The following SLC39A11 variants were observed in gnomAD, a reference collection of about 807,000 sequenced individuals.
The protein encoded by SLC39A11 is solute carrier family 39 member 11, also known as zinc transporter ZIP11.
A neutral mutation model predicts 36.1 loss-of-function variants in SLC39A11; 33 were observed. The observed-to-expected ratio is 0.91, with a 90% confidence interval of 0.69 to 1.22. The LOEUF is 1.22. Among genes scored for constraint, SLC39A11 ranks in the 50% most tolerant of loss-of-function variants. The pLI is 0.00. For synonymous variants in SLC39A11, 166 were observed against 170.3 expected, an observed-to-expected ratio of 0.97 and a Z score of 0.20; for missense variants, 432 against 430.3, an observed-to-expected ratio of 1.00 and a Z score of -0.03.
chr17:72,791,004 T>C (rs1240425548), intron 6 of SLC39A11, among the ~76,000 whole-genome samples: 2 of 152,162 alleles, frequency 1.3e-5, no homozygotes, highest in Non-Finnish European at 2.9e-5. Flanking sequence ...TTTACACGAA[T>C]CCAGTGGTTC....
chr17:72,974,927 C>G (rs1273704542), intron 4 of SLC39A11, among the ~76,000 whole-genome samples: 3 of 152,228 alleles, frequency 2.0e-5, no homozygotes, highest in Admixed American at 6.5e-5. Flanking sequence ...GCATTCAACA[C>G]AGTAACATAC....
At chr17:72,908,422 T>C (rs553596698) in intron 5 of SLC39A11, among the ~76,000 whole-genome samples, 204 of 152,348 alleles carry the variant, frequency 1.3e-3, no homozygotes, top group African/African-American at 4.8e-3. Flanking sequence ...AGGGCCAGGC[T>C]GGCCACTTCG....
intron 5 of SLC39A11, among the ~76,000 whole-genome samples, chr17:72,860,064 AAG>A (rs1010234002): frequency 2.7e-5 from 4 of 150,000 alleles, no homozygotes; most frequent in Admixed American, 2.0e-4. Context: ...AAAGAAAAGA[AAG>A]AGAACACAAA....
rs564826839 is a variant in SLC39A11, at chr17:73,063,180, G to A, written c.147+21628C>T. The stretch of plus-strand genomic sequence containing the variant: ...TGTCTCTATCACCCTCAGTCTTTTG[G>A]AAAGATAAAAATGACAAAAGGCATT... On this transcript the variant is annotated intron_variant, in intron 3 of 9. Coordinates refer to ENST00000255559, the MANE Select transcript of SLC39A11 (RefSeq NM_139177.4). Among the ~76,000 whole-genome samples, 260 of 152,258 alleles carry A rather than the reference G, an allele frequency of 1.7e-3. 9 individuals carry two copies. In the South Asian group the frequency reaches 0.052, roughly 30 times the overall value.
Position 72,737,844 on chromosome 17 carries a change from T to C in SLC39A11, c.602-1125A>G, listed in dbSNP as rs771643149. ...CCAAATACTGAGACTCCAGGACCAA[T>C]TGAGGCCAGTCTCAATCCCTCTCTG... is the stretch of plus-strand genomic sequence containing the variant. On this transcript the variant is annotated intron_variant, in intron 6 of 9. Transcript: ENST00000255559. 3.3e-5 allele frequency among the ~76,000 whole-genome samples: 5 copies of C among 152,042 alleles called. No homozygotes were observed. The East Asian group carries it at 5.8e-4, about 18-fold the overall frequency.
chr17:73,004,153 A>G (rs1359838051), intron 4 of SLC39A11, among the ~76,000 whole-genome samples: 2 of 144,346 alleles, frequency 1.4e-5, no homozygotes, highest in African/African-American at 5.2e-5. Context: ...GAAAGAAAGA[A>G]AGAAGGAAAA....
intron 5 of SLC39A11, among the ~76,000 whole-genome samples, chr17:72,937,355 T>C (rs1436757530): frequency 6.6e-6 from 1 of 152,092 alleles, no homozygotes; most frequent in African/African-American, 2.4e-5. Context: ...CTCCGGAGAC[T>C]GAGGCAGGAG....
At chr17:72,670,603 G>A (rs1280911059) in intron 7 of SLC39A11, among the ~76,000 whole-genome samples, 1 of 152,116 alleles carries the variant, frequency 6.6e-6, no homozygotes, top group Non-Finnish European at 1.5e-5. Flanking sequence ...CAATATGACT[G>A]TACAGAGTCT....
At chr17:72,854,343 A>C (rs1268604895) in intron 5 of SLC39A11, among the ~76,000 whole-genome samples, 1 of 151,936 alleles carries the variant, frequency 6.6e-6, no homozygotes, top group East Asian at 1.9e-4. Context: ...GAAAAGGCTG[A>C]ACTGCTCATT....
At chr17:72,651,830 A>T (rs1280491382) in intron 7 of SLC39A11, among the ~76,000 whole-genome samples, 1 of 152,220 alleles carries the variant, frequency 6.6e-6, no homozygotes, top group Non-Finnish European at 1.5e-5. Context: ...TGGAGTGGAC[A>T]GACAAGAAGA....
At chr17:72,967,854 T>C (rs1358136603) in intron 4 of SLC39A11, among the ~76,000 whole-genome samples, 1 of 152,184 alleles carries the variant, frequency 6.6e-6, no homozygotes, top group African/African-American at 2.4e-5. Context: ...GGTTAATAAC[T>C]GTGCCCAGCC....
At chr17:73,041,199 TC>T (rs2059104097) in intron 3 of SLC39A11, among the ~76,000 whole-genome samples, 1 of 152,162 alleles carries the variant, frequency 6.6e-6, no homozygotes, top group Non-Finnish European at 1.5e-5. Context: ...GCTTCCAAAT[TC>T]TCACTGGAGT....
At chr17:72,715,327 C>G (rs1434818085) in intron 7 of SLC39A11, among the ~76,000 whole-genome samples, 1 of 152,222 alleles carries the variant, frequency 6.6e-6, no homozygotes, top group Non-Finnish European at 1.5e-5. Flanking sequence ...CAAGTGGGGT[C>G]TTGAAGAGAT....
chr17:72,853,072 T>C (rs2079446078), intron 5 of SLC39A11, among the ~76,000 whole-genome samples: 1 of 152,174 alleles, frequency 6.6e-6, no homozygotes, highest in Admixed American at 6.5e-5. Flanking sequence ...TAGAGTGCAG[T>C]GGCACAATCT....
intron 9 of SLC39A11, 103 bp downstream of exon 9, chr17:72,648,700 G>A (rs963247609): frequency 7.3e-7 from 1 of 1,378,478 alleles, no homozygotes; most frequent in Middle Eastern, 1.8e-4. Context: ...GAGAGGGGGA[G>A]GGAATAAGGA....
At chr17:73,068,560 C>T (rs188163577) in intron 3 of SLC39A11, among the ~76,000 whole-genome samples, 3 of 152,214 alleles carry the variant, frequency 2.0e-5, no homozygotes, top group East Asian at 1.9e-4. Flanking sequence ...CCGGTAGAGT[C>T]CCCCTCAGTC....
chr17:72,654,710 T>C (rs568768812), intron 7 of SLC39A11, among the ~76,000 whole-genome samples: 1 of 152,334 alleles, frequency 6.6e-6, no homozygotes, highest in African/African-American at 2.4e-5. Flanking sequence ...AGGCTTCTGA[T>C]ATCTTGGGCT....
chr17:72,963,263 C>T (rs1479154422), intron 4 of SLC39A11, among the ~76,000 whole-genome samples: 3 of 151,144 alleles, frequency 2.0e-5, no homozygotes, highest in Non-Finnish European at 4.4e-5. Context: ...CTCCGCCTCC[C>T]GGGTTCACGC....
chr17:73,004,162 A>AAAAAGAAAGAAAGAAAGAAAG (rs2089999061), intron 4 of SLC39A11, among the ~76,000 whole-genome samples: 2 of 127,642 alleles, frequency 1.6e-5, no homozygotes, highest in African/African-American at 6.3e-5. Context: ...AAAGAAGGAA[A>AAAAAGAAAGAAAGAAAGAAAG]AAAAGAAAGA....
Sources: gnomAD v4.1 joint callset for allele counts (sites outside exome capture counted in the v4.1 genomes callset) on GRCh38, gnomAD v4.1.1 for gene constraint, MANE v1.5 for transcripts, NCBI Gene and HGNC (gene_info 2026-07-23, HGNC 2026-07-21) for gene names.